The following CCDC7 variants were observed in gnomAD, a reference collection of about 807,000 sequenced individuals.
CCDC7 encodes the protein coiled-coil domain-containing protein 7.
A neutral mutation model predicts 196.9 loss-of-function variants in CCDC7; 183 were observed. That is an observed-to-expected ratio of 0.93 (90% CI 0.82 to 1.05). The LOEUF (loss-of-function observed/expected upper bound fraction) is 1.05, where lower values mean the gene tolerates loss of function less well. Among genes scored for constraint, CCDC7 ranks in the 50% least tolerant of loss-of-function variants. CCDC7 has a pLI of 0.00. For synonymous variants in CCDC7, 525 were observed against 484.6 expected (o/e 1.08, Z -1.10); for missense variants, 1,540 against 1,482.2 (o/e 1.04, Z -0.64).
chr10:32,572,140 G>A (rs374609940), intron 16 of CCDC7, among the ~76,000 whole-genome samples: 10 of 151,812 alleles, frequency 6.6e-5, no homozygotes, highest in African/African-American at 2.4e-4. Flanking sequence ...TTTTTTTCCT[G>A]ACAACAGCAA....
chr10:32,544,268 G>T (rs758284107), exon 13 of CCDC7: 1 of 1,607,636 alleles, frequency 6.2e-7, no homozygotes, highest in Non-Finnish European at 8.5e-7. Context: ...CAGAAAAAGA[G>T]TTTAAAATAA....
chr10:32,726,118 GT>G (rs1389750696), intron 25 of CCDC7, among the ~76,000 whole-genome samples: 1 of 151,364 alleles, frequency 6.6e-6, no homozygotes, highest in African/African-American at 2.4e-5. Context: ...CTCTATTTCT[GT>G]TTTTTTCTGA....
intron 24 of CCDC7, 36 bp downstream of exon 25, chr10:32,695,028 A>T (rs760985017): frequency 6.2e-6 from 7 of 1,134,348 alleles, no homozygotes; most frequent in South Asian, 1.8e-5. Context: ...TAAAAATTTT[A>T]AAGTTAATCT....
At position 32,775,844 on chromosome 10, in the gene CCDC7, C is replaced by A. The variant is rs59769606; in HGVS notation, c.2906-3133C>A. Reference sequence around the variant, plus strand: ...GACACATGCACACGTATATTTATTGCGGCATTATTCACAATAGCAAAGACT... The same window carrying A: ...GACACATGCACACGTATATTTATTGAGGCATTATTCACAATAGCAAAGACT... On this transcript the variant is annotated intron_variant, in intron 28 of 41. Coordinates refer to ENST00000639629, the Ensembl canonical transcript of CCDC7. Among the ~76,000 whole-genome samples, 3 of 151,570 alleles carry A rather than the reference C, an allele frequency of 2.0e-5. No homozygotes were observed. The South Asian group carries it at 6.3e-4, about 32-fold the overall frequency.
At chr10:32,660,752 T>G (rs2071179806) in intron 20 of CCDC7, among the ~76,000 whole-genome samples, 1 of 128,706 alleles carries the variant, frequency 7.8e-6, no homozygotes, top group African/African-American at 2.9e-5. Context: ...TAAATGGTGC[T>G]GGGAAAACTG....
At chr10:32,487,314 C>T (rs559203366) in intron 8 of CCDC7, among the ~76,000 whole-genome samples, 4 of 152,268 alleles carry the variant, frequency 2.6e-5, no homozygotes, top group East Asian at 1.9e-4. Context: ...ATGTAGTTCT[C>T]GTGCCTTAGT....
At chr10:32,855,551 G>A (rs1248315883) in intron 41 of CCDC7, among the ~76,000 whole-genome samples, 2 of 152,114 alleles carry the variant, frequency 1.3e-5, no homozygotes, top group African/African-American at 2.4e-5. Flanking sequence ...CCTCTCATGC[G>A]CAGTTCACAA....
chr10:32,561,833 A>C (rs1273891414), intron 13 of CCDC7, among the ~76,000 whole-genome samples: 1 of 152,202 alleles, frequency 6.6e-6, no homozygotes, highest in Non-Finnish European at 1.5e-5. Flanking sequence ...AGACACAAAA[A>C]ACCCTTCAAA....
intron 16 of CCDC7, among the ~76,000 whole-genome samples, chr10:32,578,893 T>C (rs181439508): frequency 2.0e-5 from 3 of 152,286 alleles, no homozygotes; most frequent in Admixed American, 2.0e-4. Flanking sequence ...TTTAAAGTTA[T>C]CTTTAATCAG....
At chr10:32,872,505 G>C (rs1181049708) in intron 41 of CCDC7, among the ~76,000 whole-genome samples, 4 of 152,002 alleles carry the variant, frequency 2.6e-5, no homozygotes, top group Non-Finnish European at 5.9e-5. Context: ...TTGCCAGTCT[G>C]TGTCTTTTAA....
chr10:32,634,172 A>T, intron 18 of CCDC7, 82 bp from the exon 20 acceptor site: 2 of 502,302 alleles, frequency 4.0e-6, no homozygotes, highest in Non-Finnish European at 6.1e-6. Context: ...GCTGCTGTGT[A>T]CATGTTTAAA....
At chr10:32,756,997 G>C (rs1292776202) in intron 28 of CCDC7, among the ~76,000 whole-genome samples, 2 of 152,126 alleles carry the variant, frequency 1.3e-5, no homozygotes, top group African/African-American at 4.8e-5. Flanking sequence ...GATCAAAAGA[G>C]ACAAAGAAGG....
intron 32 of CCDC7, among the ~76,000 whole-genome samples, chr10:32,827,583 G>A (rs557507343): frequency 6.8e-6 from 1 of 146,872 alleles, no homozygotes; most frequent in South Asian, 2.3e-4. Flanking sequence ...TCATAGATGG[G>A]AGTTGAACAA....
exon 1 of CCDC7, chr10:32,451,921 G>A: frequency 6.2e-7 from 1 of 1,608,392 alleles, no homozygotes; most frequent in Non-Finnish European, 8.5e-7. Context: ...ATCTGAAGAT[G>A]GTAAGAGGCT....
At chr10:32,853,153 A>T (rs1202040840) in intron 40 of CCDC7, among the ~76,000 whole-genome samples, 2 of 151,982 alleles carry the variant, frequency 1.3e-5, no homozygotes, top group African/African-American at 4.8e-5. Context: ...TTTTCCTATA[A>T]TTTGGGTTTT....
At chr10:32,769,472 T>TATG (rs1425487946) in intron 28 of CCDC7, among the ~76,000 whole-genome samples, 1 of 150,728 alleles carries the variant, frequency 6.6e-6, no homozygotes, top group Non-Finnish European at 1.5e-5. Flanking sequence ...TCCATTGTAT[T>TATG]ATTATTATTA....
intron 30 of CCDC7, among the ~76,000 whole-genome samples, chr10:32,811,665 C>G (rs1023588998): frequency 7.2e-5 from 11 of 152,088 alleles, no homozygotes; most frequent in Non-Finnish European, 1.5e-4. Flanking sequence ...AACACCAATT[C>G]CCCTCAAACT....
intron 8 of CCDC7, among the ~76,000 whole-genome samples, chr10:32,476,642 G>A (rs766794136): frequency 1.3e-5 from 2 of 152,170 alleles, no homozygotes; most frequent in Admixed American, 6.5e-5. Context: ...CCAAATAAGC[G>A]TGCAAAGGGG....
intron 9 of CCDC7, chr10:32,511,844 C>T (rs573913114): frequency 2.1e-5 from 15 of 710,022 alleles, no homozygotes; most frequent in Middle Eastern, 3.9e-4. Context: ...CGGCGCTTTC[C>T]GATGATCTCA....
Sources: allele counts gnomAD v4.1 joint callset (sites outside exome capture counted in the v4.1 genomes callset), GRCh38; gene constraint gnomAD v4.1.1; transcripts MANE v1.5; gene names NCBI Gene and HGNC (gene_info 2026-07-23, HGNC 2026-07-21).